The following ETS1 variants were observed in gnomAD, a reference collection of about 807,000 sequenced individuals.
ETS1 encodes ETS proto-oncogene 1, transcription factor.
In ETS1, 15 loss-of-function variants were observed where a neutral mutation model predicts 58.6. That is an observed-to-expected ratio of 0.26 (90% CI 0.17 to 0.39). The LOEUF is 0.39. Ranked by LOEUF, ETS1 falls within the 10% of genes least tolerant of loss-of-function variation. The pLI, the probability that ETS1 is intolerant of heterozygous loss-of-function variation, is 1.00. For missense variants in ETS1, 417 were observed against 610.5 expected (o/e 0.68, Z 3.34); for synonymous variants, 214 against 218.2 (o/e 0.98, Z 0.17).
At position 128,482,679 on chromosome 11, in the gene ETS1, C is replaced by T. The variant is rs747660217; in HGVS notation, c.862+2144G>A. Among the ~76,000 whole-genome samples, 66 of 152,252 alleles carry T rather than the reference C, an allele frequency of 4.3e-4. 1 individual carries two copies. Among genetic ancestry groups the T allele is most frequent in the African/African-American group, 5.8e-4 (24 of 41,536 alleles). On this transcript the variant is annotated intron_variant, in intron 7 of 9. Transcript: ENST00000392668. The stretch of plus-strand genomic sequence containing the variant: ...CCCTGGTGCTGGGAACCTTCATTTA[C>T]GGGTATTTTCTCCAAAAATGGGTAG...
In ETS1 at chr11:128,458,793, T is replaced by C. The variant is rs1861832328; in HGVS notation, c.*3568A>G. ...TGAATGAAATTCTTTGTTTTTAATTTCACACAGTTTAAAATACAATATGAA... is the reference window on the plus strand; with the variant it reads ...TGAATGAAATTCTTTGTTTTTAATTCCACACAGTTTAAAATACAATATGAA... On this transcript the variant is annotated 3_prime_UTR_variant, in exon 10 of 10. Coordinates refer to ENST00000392668, the MANE Select transcript of ETS1 (RefSeq NM_001143820.2). This position sits in a 1 kb window ranked among gnomAD's most constrained non-coding sequence, Gnocchi z 4.3. 1 of 152,698 alleles carries C rather than the reference T, an allele frequency of 6.5e-6. No individual in the cohort carries two copies. The highest frequency in any genetic ancestry group is 2.4e-5 in the African/African-American group (1 of 41,424). The allele number at this position is 152,698 out of a possible 1,614,324, so 9.5% of individuals were successfully genotyped here.
rs550216355 is a variant in ETS1, at chr11:128,565,545, G to A, written c.69+7517C>T. Among the ~76,000 whole-genome samples, 7 of 152,250 alleles carry A rather than the reference G, an allele frequency of 4.6e-5. No homozygotes were observed. The East Asian group carries it at 1.4e-3, about 29-fold the overall frequency. ...CTTAGGATCTGAATTTCCTGATATT[G>A]CAAGATGGTCTTTACATTGTGGTCT... On this transcript the variant is annotated intron_variant, in intron 2 of 9. Coordinates refer to ENST00000392668, the MANE Select transcript of ETS1 (RefSeq NM_001143820.2).
chr11:128,480,021 C>T (rs1862437634), intron 8 of ETS1, among the ~76,000 whole-genome samples, 170 bp downstream of exon 8: 1 of 151,808 alleles, frequency 6.6e-6, no homozygotes, highest in African/African-American at 2.4e-5. Context: ...TGGCTATTCA[C>T]AAGCAGAGTG....
chr11:128,566,583 A>T (rs1311136308), intron 2 of ETS1, among the ~76,000 whole-genome samples: 3 of 152,126 alleles, frequency 2.0e-5, no homozygotes, highest in Admixed American at 6.6e-5. Context: ...GGAGATCGAG[A>T]CCATCCTGGC....
At chr11:128,572,680 G>A (rs181092902) in intron 2 of ETS1, among the ~76,000 whole-genome samples, 2 of 152,100 alleles carry the variant, frequency 1.3e-5, no homozygotes, top group East Asian at 3.9e-4. Flanking sequence ...TGCATTATTG[G>A]CTTTTTATGT....
At chr11:128,574,155 T>C (rs1288792038) in intron 1 of ETS1, among the ~76,000 whole-genome samples, 3 of 150,878 alleles carry the variant, frequency 2.0e-5, no homozygotes, top group Non-Finnish European at 4.4e-5. Context: ...TTAAATGATA[T>C]AGTTAAACAG....
chr11:128,482,624 G>A (rs1862517661), intron 7 of ETS1, among the ~76,000 whole-genome samples: 1 of 152,172 alleles, frequency 6.6e-6, no homozygotes, highest in Admixed American at 6.5e-5. Context: ...TACAGCGGTA[G>A]GCAGCTTTCA....
At chr11:128,570,389 C>A (rs997897665) in intron 2 of ETS1, among the ~76,000 whole-genome samples, 1 of 152,060 alleles carries the variant, frequency 6.6e-6, no homozygotes, top group African/African-American at 2.4e-5. Context: ...AAGGCATGTG[C>A]CACCACACCT....
intron 3 of ETS1, among the ~76,000 whole-genome samples, chr11:128,537,302 C>T (rs755634886): frequency 6.6e-6 from 1 of 152,120 alleles, no homozygotes; most frequent in Non-Finnish European, 1.5e-5. Context: ...TTCCCACTAA[C>T]ACAGAGTGTG....
rs144879726 is a variant in ETS1, at chr11:128,476,882, G to A, written c.1123+3309C>T. On this transcript the variant is annotated intron_variant, in intron 8 of 9. Coordinates refer to ENST00000392668, the MANE Select transcript of ETS1 (RefSeq NM_001143820.2). ...TTGCATTTGATGTATTCTTAACTCA[G>A]CTAACAGGCAGGCTTTCAAGCCACG... 8.7e-4 allele frequency among the ~76,000 whole-genome samples: 133 copies of A among 152,362 alleles called. 4 individuals are homozygous for A. In the East Asian group the frequency reaches 0.022, roughly 25 times the overall value.
intron 1 of ETS1, among the ~76,000 whole-genome samples, chr11:128,580,565 T>C (rs970422868): frequency 3.3e-4 from 51 of 152,350 alleles, no homozygotes; most frequent in Middle Eastern, 3.4e-3. Context: ...ATGGTTTTTC[T>C]GTCTCACTAC....
chr11:128,538,755 TACACACACACAC>T (rs141065992), intron 3 of ETS1, among the ~76,000 whole-genome samples: 68,613 of 144,822 alleles, frequency 0.47, 16,314 homozygotes, highest in East Asian at 0.63. Flanking sequence ...CATACACACA[TACACACACACAC>T]ACACACACAC....
intron 8 of ETS1, among the ~76,000 whole-genome samples, chr11:128,465,056 C>T (rs1282804823): frequency 6.6e-6 from 1 of 152,192 alleles, no homozygotes; most frequent in Non-Finnish European, 1.5e-5. Context: ...AGGACCAGGG[C>T]AACCTCCAAT....
At chr11:128,481,599 A>G (rs1340078563) in intron 7 of ETS1, among the ~76,000 whole-genome samples, 1 of 152,260 alleles carries the variant, frequency 6.6e-6, no homozygotes, top group African/African-American at 2.4e-5. Context: ...AAGGGATGTG[A>G]CAAATGTTTA....
At chr11:128,491,248 C>T (rs1862791083) in intron 3 of ETS1, among the ~76,000 whole-genome samples, 1 of 152,128 alleles carries the variant, frequency 6.6e-6, no homozygotes, top group Non-Finnish European at 1.5e-5. Flanking sequence ...CTAGCACTTG[C>T]TTTGTGCAAG....
intron 3 of ETS1, among the ~76,000 whole-genome samples, chr11:128,544,175 C>T (rs1591652937): frequency 6.6e-6 from 1 of 151,900 alleles, no homozygotes. Context: ...CCCTAAATGT[C>T]ATAAGAAAGT....
intron 3 of ETS1, among the ~76,000 whole-genome samples, chr11:128,497,815 G>A (rs1320990009): frequency 6.6e-6 from 1 of 152,158 alleles, no homozygotes; most frequent in Non-Finnish European, 1.5e-5. Flanking sequence ...CGAAGTCAGA[G>A]CAAAACCCAA....
At chr11:128,537,612 G>T (rs112075423) in intron 3 of ETS1, among the ~76,000 whole-genome samples, 24 of 152,300 alleles carry the variant, frequency 1.6e-4, no homozygotes, top group African/African-American at 3.6e-4. Context: ...TCAAAGTCGG[G>T]TGCACACCTT....
intron 2 of ETS1, among the ~76,000 whole-genome samples, chr11:128,566,587 T>G (rs917362346): frequency 6.6e-6 from 1 of 151,984 alleles, no homozygotes; most frequent in Non-Finnish European, 1.5e-5. Context: ...ATCGAGACCA[T>G]CCTGGCTAAC....
Sources: allele counts gnomAD v4.1 joint callset (sites outside exome capture counted in the v4.1 genomes callset), GRCh38; gene constraint gnomAD v4.1.1; non-coding constraint Gnocchi (gnomAD v3.1); transcripts MANE v1.5; gene names NCBI Gene and HGNC (gene_info 2026-07-23, HGNC 2026-07-21).